Variants in PACSIN2 observed in about 807,000 individuals in gnomAD.
The protein encoded by PACSIN2 is protein kinase C and casein kinase substrate in neurons protein 2.
PACSIN2 carries 25 observed loss-of-function variants against 63.8 expected under a neutral mutation model. The observed-to-expected ratio is 0.39, with a 90% CI of 0.29 to 0.55. The LOEUF is 0.55. Among genes scored for constraint, PACSIN2 ranks in the 20% least tolerant of loss-of-function variants. PACSIN2 has a pLI of 0.62. For missense variants in PACSIN2, 518 were observed against 646.9 expected (o/e 0.80, Z 2.16); for synonymous variants, 255 against 256.2 (o/e 1.00, Z 0.05).
chr22:42,875,299 C>A (rs1218762430), intron 10 of PACSIN2, among the ~76,000 whole-genome samples: 1 of 152,086 alleles, frequency 6.6e-6, no homozygotes, highest in Non-Finnish European at 1.5e-5. Flanking sequence ...TGCAACACCA[C>A]GCCCAGCTAA....
intron 1 of PACSIN2, among the ~76,000 whole-genome samples, chr22:42,948,246 G>A (rs1003053269): frequency 1.3e-5 from 2 of 152,114 alleles, no homozygotes; most frequent in African/African-American, 2.4e-5. Flanking sequence ...ATGGCAGGGC[G>A]CTGAAGATCA....
intron 1 of PACSIN2, among the ~76,000 whole-genome samples, chr22:42,923,525 T>A (rs1167695771): frequency 6.6e-6 from 1 of 152,164 alleles, no homozygotes; most frequent in African/African-American, 2.4e-5. Flanking sequence ...CCTCCCGGGT[T>A]CACGCCATTC....
chr22:42,975,457 A>ATATATATATATAT (rs1921625340), intron 1 of PACSIN2, among the ~76,000 whole-genome samples: 1 of 140,734 alleles, frequency 7.1e-6, no homozygotes, highest in South Asian at 2.2e-4. Flanking sequence ...AATATATACA[A>ATATATATATATAT]ATATATATAT....
intron 1 of PACSIN2, among the ~76,000 whole-genome samples, chr22:42,969,882 G>C (rs1234166194): frequency 6.7e-6 from 1 of 150,234 alleles, no homozygotes; most frequent in Non-Finnish European, 1.5e-5. Flanking sequence ...TAGCCTGAGT[G>C]ACAGGGTGAG....
In PACSIN2 at chr22:42,971,562, G is replaced by C. The variant is rs1447689141; in HGVS notation, c.-78+43459C>G. ...TGGCAGCCCATCGTCTGGGATGTGA[G>C]GAGCCCCTCTGCCCGGCCACCCAGT... On this transcript the variant is annotated intron_variant, in intron 1 of 10. Coordinates refer to ENST00000263246, the MANE Select transcript of PACSIN2 (RefSeq NM_001184970.3). Among the ~76,000 whole-genome samples, 5 of 152,030 alleles carry C rather than the reference G, an allele frequency of 3.3e-5. 1 individual carries two copies. Among genetic ancestry groups the C allele is most frequent in the Admixed American group, 1.3e-4 (2 of 15,278 alleles).
Position 42,918,084 on chromosome 22 carries a change from T to C in PACSIN2, c.-77-5927A>G, listed in dbSNP as rs114573599. On this transcript the variant is annotated intron_variant, in intron 1 of 10. Transcript: ENST00000263246. ...AACTGAGAAGGATGTGAAAATGCTTTGTAAAGTAAAAATGTCCTTTGCAGG... is the reference window on the plus strand; with the variant it reads ...AACTGAGAAGGATGTGAAAATGCTTCGTAAAGTAAAAATGTCCTTTGCAGG... 6.1e-3 allele frequency among the ~76,000 whole-genome samples: 930 copies of C among 152,292 alleles called. 12 individuals carry two copies. The highest frequency in any genetic ancestry group is 0.021 in the African/African-American group (893 of 41,550).
intron 1 of PACSIN2, among the ~76,000 whole-genome samples, chr22:42,930,028 A>G (rs1601536420): frequency 1.3e-5 from 2 of 152,320 alleles, no homozygotes; most frequent in Admixed American, 1.3e-4. Context: ...CAGGAACCAC[A>G]TGGAGTTTAT....
intron 1 of PACSIN2, among the ~76,000 whole-genome samples, chr22:42,935,205 G>A (rs1177978217): frequency 1.3e-5 from 2 of 151,892 alleles, no homozygotes; most frequent in African/African-American, 4.8e-5. Context: ...GATTATAGGC[G>A]TGAGCCACCG....
intron 1 of PACSIN2, among the ~76,000 whole-genome samples, chr22:42,947,519 G>A (rs1933478031): frequency 6.6e-6 from 1 of 152,170 alleles, no homozygotes; most frequent in Non-Finnish European, 1.5e-5. Flanking sequence ...AGTCTGATGA[G>A]TGGAATCCTC....
At chr22:42,932,473 A>G (rs1380276577) in intron 1 of PACSIN2, among the ~76,000 whole-genome samples, 4 of 152,208 alleles carry the variant, frequency 2.6e-5, no homozygotes, top group Non-Finnish European at 5.9e-5. Flanking sequence ...ATATGACAAC[A>G]GGTCCTTTCT....
In PACSIN2 at chr22:43,006,171, C is replaced by T. The variant is rs951844110; in HGVS notation, c.-78+8850G>A. ...GTGAAGCTATAAGAAGTCAGCAATC[C>T]GCAACATGAAAAAGGACCCTCCTCA... On this transcript the variant is annotated intron_variant, in intron 1 of 10. Coordinates refer to ENST00000263246, the MANE Select transcript of PACSIN2 (RefSeq NM_001184970.3). 6.6e-5 allele frequency among the ~76,000 whole-genome samples: 10 copies of T among 152,104 alleles called. 1 individual carries two copies. Among genetic ancestry groups the T allele is most frequent in the Admixed American group, 2.0e-4 (3 of 15,260 alleles).
intron 1 of PACSIN2, among the ~76,000 whole-genome samples, chr22:42,918,272 A>G (rs1259511936): frequency 6.6e-6 from 1 of 152,174 alleles, no homozygotes; most frequent in African/African-American, 2.4e-5. Flanking sequence ...TTCAAAAGCT[A>G]TTTGATGACT....
intron 7 of PACSIN2, among the ~76,000 whole-genome samples, chr22:42,881,864 G>GCTCA (rs889908303): frequency 6.6e-6 from 1 of 152,076 alleles, no homozygotes; most frequent in Non-Finnish European, 1.5e-5. Flanking sequence ...AGGGACCTGA[G>GCTCA]GTCCTGTGTG....
chr22:42,945,998 C>A lies in PACSIN2; in HGVS notation c.-77-33841G>T, dbSNP rs76484253. The A allele has an allele frequency of 6.8e-3, 1,045 of 152,792 alleles. 17 individuals carry two copies. Among genetic ancestry groups the A allele is most frequent in the African/African-American group, 0.024 (1,009 of 41,552 alleles). 9.5% of individuals were successfully genotyped at this position (152,792 alleles called of 1,614,324 possible). A position where few individuals can be genotyped will look rare whatever the true frequency, so the allele number is the denominator to read the frequency against. ...ACCACACTCCTGGCCACACTATACA[C>A]GCTCTGGCCACCGTTAATCACCTGT... On this transcript the variant is annotated intron_variant, in intron 1 of 10. Coordinates refer to ENST00000263246, the MANE Select transcript of PACSIN2 (RefSeq NM_001184970.3).
intron 1 of PACSIN2, among the ~76,000 whole-genome samples, chr22:42,920,376 G>C (rs1247077375): frequency 6.6e-6 from 1 of 152,184 alleles, no homozygotes; most frequent in Non-Finnish European, 1.5e-5. Flanking sequence ...TGTGTGCTGA[G>C]TTATTCTGGA....
rs1263919778 is a variant in PACSIN2 at position 42,870,490 on chromosome 22, T to C, written c.*867A>G. ...TCAAATAATATATACAGATAGACAC[T>C]GAGACATGACAGTCTAATCTAAAGC... is the stretch of plus-strand genomic sequence containing the variant. On this transcript the variant is annotated 3_prime_UTR_variant, in exon 11 of 11. Transcript: ENST00000263246. The C allele has an allele frequency of 2.0e-5, 3 of 152,246 alleles. No individual in the cohort carries two copies. The highest frequency in any genetic ancestry group is 4.4e-5 in the Non-Finnish European group (3 of 68,048). The allele number at this position is 152,246 out of a possible 1,614,324, so 9.4% of individuals were successfully genotyped here.
At chr22:43,011,839 C>T (rs1924507636) in intron 1 of PACSIN2, among the ~76,000 whole-genome samples, 1 of 152,038 alleles carries the variant, frequency 6.6e-6, no homozygotes, top group African/African-American at 2.4e-5. Flanking sequence ...TGGTAAAACC[C>T]CATCTCTATT....
At chr22:43,007,496 G>A (rs1258611109) in intron 1 of PACSIN2, among the ~76,000 whole-genome samples, 3 of 152,062 alleles carry the variant, frequency 2.0e-5, no homozygotes, top group Non-Finnish European at 2.9e-5. Context: ...GATTACAGGC[G>A]TGACCCCTCT....
chr22:42,913,480 CAAAA>C (rs138842796), intron 1 of PACSIN2, among the ~76,000 whole-genome samples: 2,620 of 93,046 alleles, frequency 0.028, 35 homozygotes, highest in African/African-American at 0.036. Context: ...ACTCCGTCTC[CAAAA>C]AAAAAAAAAA....
Sources: gnomAD v4.1 joint callset for allele counts (sites outside exome capture counted in the v4.1 genomes callset) on GRCh38, gnomAD v4.1.1 for gene constraint, MANE v1.5 for transcripts, NCBI Gene and HGNC (gene_info 2026-07-23, HGNC 2026-07-21) for gene names.